The following NEBL variants were observed in gnomAD, a reference collection of about 807,000 sequenced individuals.
NEBL encodes nebulette, also known as LIM and SH3 protein 2.
NEBL carries 122 observed loss-of-function variants against 140.2 expected under a neutral mutation model. The ratio of observed to expected loss-of-function variants is 0.87; its 90% CI spans 0.75 to 1.01. The LOEUF (loss-of-function observed/expected upper bound fraction) is 1.01, where lower values mean the gene tolerates loss of function less well. NEBL is among the 50% of genes least tolerant of loss of function. The probability of loss-of-function intolerance (pLI) is 0.00; values close to 1 mark genes in which losing one functional copy is unlikely to be tolerated. For missense variants in NEBL, 1,365 were observed against 1,231.3 expected (o/e 1.11, Z -1.62); for synonymous variants, 436 against 398.9 (o/e 1.09, Z -1.11).
At chr10:20,810,276 A>C (rs1838007880) in intron 24 of NEBL, among the ~76,000 whole-genome samples, 1 of 152,154 alleles carries the variant, frequency 6.6e-6, no homozygotes, top group South Asian at 2.1e-4. Context: ...AGGCTGAAAC[A>C]AGCAAAATGT....
chr10:20,946,440 C>T lies in NEBL; in HGVS notation c.357+15232G>A, dbSNP rs112271866. Among the ~76,000 whole-genome samples the T allele has an allele frequency of 4.8e-3, 732 of 152,088 alleles. 7 individuals carry two copies. Among genetic ancestry groups the T allele is most frequent in the African/African-American group, 0.017 (710 of 41,494 alleles). ...GAGCCAGGAGTAGCTACGTGGCTAC[C>T]CATTTTATTATTTTTGTTTTTTGTT... On this transcript the variant is annotated intron_variant, in intron 4 of 6. Transcript: ENST00000417816.
chr10:20,824,971 C>T (rs74120684), intron 18 of NEBL, among the ~76,000 whole-genome samples: 3,809 of 152,268 alleles, frequency 0.025, 159 homozygotes, highest in African/African-American at 0.088. Flanking sequence ...ACCAGGCTAA[C>T]ACAGGCTCTC....
intron 13 of NEBL, among the ~76,000 whole-genome samples, chr10:20,836,642 G>T (rs1428001410): frequency 6.6e-6 from 1 of 152,128 alleles, no homozygotes; most frequent in Non-Finnish European, 1.5e-5. Flanking sequence ...AGAAGTTCCG[G>T]CAGTTTGCAA....
intron 3 of NEBL, among the ~76,000 whole-genome samples, chr10:20,990,690 A>C (rs1290729813): frequency 6.6e-6 from 1 of 152,234 alleles, no homozygotes; most frequent in Non-Finnish European, 1.5e-5. Flanking sequence ...CAGAGAATTT[A>C]TGCAAGTTAA....
At chr10:21,128,002 G>T (rs1168630707) in intron 2 of NEBL, among the ~76,000 whole-genome samples, 1 of 152,066 alleles carries the variant, frequency 6.6e-6, no homozygotes, top group Non-Finnish European at 1.5e-5. Context: ...ATACAACTAG[G>T]TACTTATTTG....
chr10:21,068,988 A>G (rs1220958107), intron 2 of NEBL, among the ~76,000 whole-genome samples: 5 of 152,122 alleles, frequency 3.3e-5, no homozygotes, highest in Admixed American at 3.3e-4. Flanking sequence ...TCCTGGACTC[A>G]AGCAATCCTC....
At chr10:20,804,241 A>C (rs1050494554) in intron 26 of NEBL, 1 of 152,194 alleles carries the variant, frequency 6.6e-6, no homozygotes, top group Non-Finnish European at 1.5e-5. Flanking sequence ...AAGGGGTGCT[A>C]TTTTATCTCT....
chr10:21,155,221 A>T (rs1421757481), intron 2 of NEBL, among the ~76,000 whole-genome samples: 3 of 152,206 alleles, frequency 2.0e-5, no homozygotes, highest in East Asian at 1.9e-4. Context: ...ATTTTTTAGT[A>T]ATCACATCAT....
intron 13 of NEBL, among the ~76,000 whole-genome samples, chr10:20,839,408 T>C (rs558513239): frequency 6.6e-6 from 1 of 152,282 alleles, no homozygotes; most frequent in Admixed American, 6.5e-5. Flanking sequence ...GCACGTGTTG[T>C]TTATGGCTGA....
rs2296613 is a variant in NEBL at position 20,785,526 on chromosome 10, T to C, written c.*221A>G. ...CATGAACACAATTAGCAGCACCAGG[T>C]GTCCAGACACAAAGATTTTTGTTTG... On this transcript the variant is annotated 3_prime_UTR_variant, in exon 28 of 28. Transcript: ENST00000377122. 165,181 of 578,660 alleles carry C rather than the reference T, an allele frequency of 0.29. 24,923 individuals carry two copies. The highest frequency in any genetic ancestry group is 0.38 in the East Asian group (12,528 of 32,988). The allele number at this position is 578,660 out of a possible 1,614,324, so 35.8% of individuals were successfully genotyped here.
intron 2 of NEBL, among the ~76,000 whole-genome samples, chr10:21,075,019 T>C (rs1836002041): frequency 6.6e-6 from 1 of 151,686 alleles, no homozygotes; most frequent in South Asian, 2.1e-4. Flanking sequence ...TTGCCCAAGC[T>C]GGTCTCAAAC....
intron 2 of NEBL, among the ~76,000 whole-genome samples, chr10:21,095,828 C>G (rs1333986696): frequency 6.6e-6 from 1 of 152,176 alleles, no homozygotes; most frequent in South Asian, 2.1e-4. Context: ...ATGCCTCCCT[C>G]ATCCATGAGT....
chr10:20,946,191 G>C lies in NEBL; in HGVS notation c.357+15481C>G, dbSNP rs151126796. Among the ~76,000 whole-genome samples, 587 of 152,290 alleles carry C rather than the reference G, an allele frequency of 3.9e-3. 9 individuals are homozygous for C. Among genetic ancestry groups the C allele is most frequent in the African/African-American group, 0.012 (509 of 41,554 alleles). On this transcript the variant is annotated intron_variant, in intron 4 of 6. Transcript: ENST00000417816. ...CGAAGGTGAGAGGCAGCCCTCATAGGCTGTATGAGCAAGGAGCCCATCGTG... is the reference window on the plus strand; with the variant it reads ...CGAAGGTGAGAGGCAGCCCTCATAGCCTGTATGAGCAAGGAGCCCATCGTG...
intron 2 of NEBL, among the ~76,000 whole-genome samples, chr10:21,082,267 T>C (rs180745400): frequency 6.6e-6 from 1 of 152,254 alleles, no homozygotes; most frequent in African/African-American, 2.4e-5. Context: ...CCTTTTGCAA[T>C]AAAGAATATT....
intron 4 of NEBL, among the ~76,000 whole-genome samples, chr10:20,936,680 A>T (rs1398978980): frequency 6.6e-6 from 1 of 152,244 alleles, no homozygotes; most frequent in East Asian, 1.9e-4. Context: ...CACTGAATCT[A>T]AATAAATAAT....
intron 2 of NEBL, among the ~76,000 whole-genome samples, chr10:21,055,954 G>A (rs1437753522): frequency 3.9e-5 from 6 of 152,190 alleles, no homozygotes; most frequent in African/African-American, 1.4e-4. Flanking sequence ...ACGGGCAAAT[G>A]CTTTGTTTGT....
intron 1 of NEBL, among the ~76,000 whole-genome samples, chr10:21,255,726 G>A (rs575425480): frequency 2.0e-5 from 3 of 152,120 alleles, no homozygotes; most frequent in South Asian, 2.1e-4. Flanking sequence ...GGCTGGGCGC[G>A]GTGGCTCACA....
intron 4 of NEBL, among the ~76,000 whole-genome samples, chr10:20,946,823 A>G (rs1263852552): frequency 6.6e-6 from 1 of 152,186 alleles, no homozygotes; most frequent in Non-Finnish European, 1.5e-5. Context: ...GGGATTCTAG[A>G]TGTGGAAATC....
chr10:21,188,194 G>T (rs1043595531), intron 3 of NEBL, among the ~76,000 whole-genome samples: 1 of 152,152 alleles, frequency 6.6e-6, no homozygotes, highest in African/African-American at 2.4e-5. Context: ...GACCTAAGAA[G>T]ATTTGCTGAT....
Sources: allele counts gnomAD v4.1 joint callset (sites outside exome capture counted in the v4.1 genomes callset), GRCh38; gene constraint gnomAD v4.1.1; transcripts MANE v1.5; gene names NCBI Gene and HGNC (gene_info 2026-07-23, HGNC 2026-07-21).